Variants in PPP1R9A observed in about 807,000 individuals in gnomAD.
PPP1R9A encodes neurabin-1.
PPP1R9A carries 59 observed loss-of-function variants against 141.9 expected under a neutral mutation model. The ratio of observed to expected loss-of-function variants is 0.42; its 90% CI spans 0.34 to 0.52. PPP1R9A has a LOEUF of 0.52. Among genes scored for constraint, PPP1R9A ranks in the 20% least tolerant of loss-of-function variants. PPP1R9A has a pLI of 0.10. For missense variants in PPP1R9A, 1,444 were observed against 1,611.9 expected (o/e 0.90, Z 1.78); for synonymous variants, 500 against 569.7 (o/e 0.88, Z 1.74).
At chr7:95,069,395 T>C (rs371806699) in intron 2 of PPP1R9A, among the ~76,000 whole-genome samples, 2 of 152,082 alleles carry the variant, frequency 1.3e-5, no homozygotes, top group East Asian at 3.9e-4. Context: ...GGCTACACTT[T>C]AGATAGAGTA....
rs139358857 is a variant in PPP1R9A, at chr7:94,999,781, A to T, written c.1395+88273A>T. Among the ~76,000 whole-genome samples the T allele has an allele frequency of 2.0e-3, 158 of 78,596 alleles. 1 individual carries two copies. The highest frequency in any genetic ancestry group is 7.5e-3 in the African/African-American group (144 of 19,276). The allele number at this position is 78,596 out of a possible 152,430, so 51.6% of individuals were successfully genotyped here. A position where few individuals can be genotyped will look rare whatever the true frequency, so the allele number is the denominator to read the frequency against. ...AAAACCAGCTGAGATATCTTATTTT[A>T]TTTATTTATTTATTTATTTATTTAT... is the stretch of plus-strand genomic sequence containing the variant. On this transcript the variant is annotated intron_variant, in intron 2 of 19. Transcript: ENST00000433360.
At position 95,188,188 on chromosome 7, in the gene PPP1R9A, G is replaced by T. The variant is rs553222015; in HGVS notation, c.1755-10161G>T. On this transcript the variant is annotated intron_variant, in intron 5 of 19. Coordinates refer to ENST00000433360, the MANE Select transcript of PPP1R9A (RefSeq NM_001166160.2). ...CTGCGTTAGGTACATACATATTTAG[G>T]ATTGTGATATTTTCCTGTTGGACTA... 2.6e-5 allele frequency among the ~76,000 whole-genome samples: 4 copies of T among 151,990 alleles called. No individual in the cohort carries two copies. The South Asian group carries it at 8.3e-4, about 32-fold the overall frequency.
At chr7:95,126,739 T>A (rs921830489) in intron 4 of PPP1R9A, among the ~76,000 whole-genome samples, 4 of 152,190 alleles carry the variant, frequency 2.6e-5, no homozygotes, top group Non-Finnish European at 5.9e-5. Context: ...TCATTACAGC[T>A]AAGATTTAAG....
chr7:95,086,095 A>G (rs1816591549), intron 2 of PPP1R9A, among the ~76,000 whole-genome samples: 1 of 151,930 alleles, frequency 6.6e-6, no homozygotes, highest in South Asian at 2.1e-4. Flanking sequence ...AAAATTTAAA[A>G]TAGTTCTAAA....
At chr7:95,108,628 A>G (rs1199291924) in intron 2 of PPP1R9A, among the ~76,000 whole-genome samples, 1 of 152,074 alleles carries the variant, frequency 6.6e-6, no homozygotes, top group African/African-American at 2.4e-5. Context: ...TAGATGTCTC[A>G]AAAATTATAC....
At chr7:95,032,740 A>T (rs1295014683) in intron 2 of PPP1R9A, among the ~76,000 whole-genome samples, 1 of 152,150 alleles carries the variant, frequency 6.6e-6, no homozygotes, top group Non-Finnish European at 1.5e-5. Context: ...TACAATTAAG[A>T]CAGTCTGCTA....
At chr7:95,097,775 A>G (rs1818236030) in intron 2 of PPP1R9A, among the ~76,000 whole-genome samples, 1 of 152,216 alleles carries the variant, frequency 6.6e-6, no homozygotes, top group South Asian at 2.1e-4. Context: ...CTACTGCTCT[A>G]AATTACTGTA....
At chr7:95,156,213 A>T (rs918272035) in intron 4 of PPP1R9A, 4 of 152,430 alleles carry the variant, frequency 2.6e-5, no homozygotes, top group African/African-American at 9.6e-5. Flanking sequence ...AGGTGCTGGC[A>T]CAGGCACTGA....
chr7:94,973,033 C>T (rs57448652), intron 2 of PPP1R9A, among the ~76,000 whole-genome samples: 7,439 of 151,280 alleles, frequency 0.049, 728 homozygotes, highest in East Asian at 0.42. Flanking sequence ...TTTTAAAAAC[C>T]GGAAGTAGAA....
chr7:95,015,192 CATAAA>C (rs1379732555), intron 2 of PPP1R9A, among the ~76,000 whole-genome samples: 1 of 150,366 alleles, frequency 6.7e-6, no homozygotes, highest in Admixed American at 6.7e-5. Context: ...AGTGGGCAAA[CATAAA>C]ATATATATGT....
intron 7 of PPP1R9A, among the ~76,000 whole-genome samples, chr7:95,215,503 G>A (rs1470141676): frequency 3.9e-5 from 6 of 151,984 alleles, no homozygotes; most frequent in African/African-American, 7.3e-5. Context: ...GGGATTGCTG[G>A]GTCAAATGGT....
chr7:95,197,730 C>T (rs1294552196), intron 5 of PPP1R9A, among the ~76,000 whole-genome samples: 1 of 152,144 alleles, frequency 6.6e-6, no homozygotes, highest in African/African-American at 2.4e-5. Context: ...CTCACTGCAA[C>T]CTCCGCCTCT....
chr7:94,949,221 G>T (rs1472481463), intron 2 of PPP1R9A, among the ~76,000 whole-genome samples: 1 of 152,028 alleles, frequency 6.6e-6, no homozygotes, highest in Non-Finnish European at 1.5e-5. Flanking sequence ...GTGACTCAAG[G>T]GCTAGCACTT....
At chr7:94,986,118 G>A (rs1317318070) in intron 2 of PPP1R9A, among the ~76,000 whole-genome samples, 1 of 152,090 alleles carries the variant, frequency 6.6e-6, no homozygotes, top group Non-Finnish European at 1.5e-5. Context: ...AATATGTTAG[G>A]TAGGTTCTTT....
intron 2 of PPP1R9A, among the ~76,000 whole-genome samples, chr7:95,086,692 T>C (rs899040969): frequency 3.3e-5 from 5 of 152,050 alleles, no homozygotes; most frequent in Non-Finnish European, 7.3e-5. Context: ...TTTATTCTTT[T>C]CTACTGCACT....
chr7:95,205,577 GACTT>G (rs1311854865), intron 7 of PPP1R9A, among the ~76,000 whole-genome samples: 1 of 152,150 alleles, frequency 6.6e-6, no homozygotes, highest in African/African-American at 2.4e-5. Context: ...CTGGGAAACA[GACTT>G]ACTTTCCCAG....
chr7:95,224,447 G>A (rs903026900), intron 7 of PPP1R9A, among the ~76,000 whole-genome samples: 1 of 152,146 alleles, frequency 6.6e-6, no homozygotes, highest in African/African-American at 2.4e-5. Flanking sequence ...GTGGCAGTGT[G>A]TTCATCATGG....
chr7:95,028,015 C>T (rs921984308), intron 2 of PPP1R9A, among the ~76,000 whole-genome samples: 5 of 152,040 alleles, frequency 3.3e-5, no homozygotes, highest in South Asian at 2.1e-4. Context: ...GACATATATT[C>T]GTTTTCAGGA....
intron 8 of PPP1R9A, 145 bp downstream of exon 8, chr7:95,226,261 A>T: frequency 1.2e-6 from 1 of 832,458 alleles, no homozygotes; most frequent in Non-Finnish European, 1.7e-6. Context: ...TTGAATTTCA[A>T]GTAGAATTTA....
Sources: allele counts gnomAD v4.1 joint callset (sites outside exome capture counted in the v4.1 genomes callset), GRCh38; gene constraint gnomAD v4.1.1; transcripts MANE v1.5; gene names NCBI Gene and HGNC (gene_info 2026-07-23, HGNC 2026-07-21).